Variants in KIDINS220 observed in about 807,000 individuals in gnomAD.
KIDINS220 encodes the protein kinase D interacting substrate 220.
A neutral mutation model predicts 157.6 loss-of-function variants in KIDINS220; 63 were observed. That is an observed-to-expected ratio of 0.40 (90% CI 0.33 to 0.49). The LOEUF (loss-of-function observed/expected upper bound fraction) is 0.49, where lower values mean the gene tolerates loss of function less well. KIDINS220 is among the 20% of genes least tolerant of loss of function. The probability of loss-of-function intolerance (pLI) is 0.66; values close to 1 mark genes in which losing one functional copy is unlikely to be tolerated. For synonymous variants in KIDINS220, 732 were observed against 783.6 expected, an observed-to-expected ratio of 0.93 and a Z score of 1.10; for missense variants, 1,772 against 2,171.2, an observed-to-expected ratio of 0.82 and a Z score of 3.65.
chr2:8,797,509 T>C (rs1674137534), intron 10 of KIDINS220, among the ~76,000 whole-genome samples: 2 of 152,200 alleles, frequency 1.3e-5, no homozygotes, highest in Admixed American at 1.3e-4. Context: ...AACCAGAAGG[T>C]ATCTCAGAAA....
intron 1 of KIDINS220, among the ~76,000 whole-genome samples, chr2:8,830,364 C>A (rs929220980): frequency 2.6e-5 from 4 of 152,180 alleles, no homozygotes; most frequent in African/African-American, 9.7e-5. Flanking sequence ...TCTAGACCAA[C>A]TACTTCTACA....
rs772289519 is a variant in KIDINS220, at chr2:8,776,811, C to T, written c.2785G>A (p.Asp929Asn). 6.2e-7 allele frequency: 1 copy of T among 1,614,036 alleles called. No homozygotes were observed. The highest frequency in any genetic ancestry group is 8.5e-7 in the Non-Finnish European group (1 of 1,179,958). The change falls in exon 21 of 30, where the codon GAC (aspartate) becomes AAC (asparagine). Residue 929 changes from aspartate to asparagine, a missense_variant. Around this residue, in one of 3 missense-constraint regions of KIDINS220, gnomAD observed 725 missense variants for 1,017.1 expected, o/e 0.71. Transcript: ENST00000256707. The part of the protein sequence containing the change: ...FDLTKLLVTE[D>N]WFSDISPQTM... ...TGGGGACTGATGTCACTGAACCAGT[C>T]CTCGGTAACCAGCAGTTTTGTAAGA...
At chr2:8,799,522 C>T (rs1674407325) in intron 9 of KIDINS220, among the ~76,000 whole-genome samples, 1 of 152,212 alleles carries the variant, frequency 6.6e-6, no homozygotes, top group Non-Finnish European at 1.5e-5. Flanking sequence ...GGCCTTCTTT[C>T]CCTACCTCAA....
At chr2:8,732,653 G>A (rs1398609404) in intron 29 of KIDINS220, among the ~76,000 whole-genome samples, 1 of 152,110 alleles carries the variant, frequency 6.6e-6, no homozygotes, top group African/African-American at 2.4e-5. Flanking sequence ...GTTTAAGAAG[G>A]GTCAAGAGCA....
chr2:8,825,615 A>G (rs904012471), intron 2 of KIDINS220: 2 of 152,176 alleles, frequency 1.3e-5, no homozygotes, highest in Non-Finnish European at 2.9e-5. Flanking sequence ...AGTGTAAAAT[A>G]AAAAACCACT....
At chr2:8,732,778 G>A (rs548115926) in intron 29 of KIDINS220, among the ~76,000 whole-genome samples, 109 of 152,168 alleles carry the variant, frequency 7.2e-4, no homozygotes, top group Non-Finnish European at 1.3e-3. Context: ...GCCCTGCCCT[G>A]CCCACTCAGT....
intron 22 of KIDINS220, among the ~76,000 whole-genome samples, chr2:8,758,507 T>C (rs566748744): frequency 7.2e-5 from 11 of 152,260 alleles, no homozygotes; most frequent in Middle Eastern, 3.4e-3. Flanking sequence ...TCAAGGAAAA[T>C]ACTTCTGGTT....
intron 1 of KIDINS220, among the ~76,000 whole-genome samples, chr2:8,833,464 GT>G (rs1679942599): frequency 7.7e-6 from 1 of 129,446 alleles, no homozygotes; most frequent in Non-Finnish European, 1.6e-5. Context: ...ACATATTTAT[GT>G]TTTTTAAATT....
chr2:8,789,283 A>ATTTTT (rs70946384), intron 14 of KIDINS220, among the ~76,000 whole-genome samples: 1 of 109,106 alleles, frequency 9.2e-6, no homozygotes, highest in Non-Finnish European at 1.8e-5. Flanking sequence ...CAGAAAAAGA[A>ATTTTT]TTTTTTTTTT....
rs1377609629 is a variant in KIDINS220, at chr2:8,730,371, C to T, written c.*349G>A. On this transcript the variant is annotated 3_prime_UTR_variant, in exon 30 of 30. Transcript: ENST00000256707. ...AAATGTTTGCAAAAAGGGTCTCTAG[C>T]TTTTTTTCTTTTTGGCACATTAAGC... 1.5e-5 allele frequency: 16 copies of T among 1,037,218 alleles called. No homozygotes were observed. The highest frequency in any genetic ancestry group is 1.9e-5 in the Non-Finnish European group (16 of 864,610). The allele number at this position is 1,037,218 out of a possible 1,614,324, so 64.3% of individuals were successfully genotyped here.
intron 22 of KIDINS220, among the ~76,000 whole-genome samples, chr2:8,756,331 C>A (rs769394206): frequency 2.6e-5 from 4 of 152,158 alleles, no homozygotes; most frequent in Non-Finnish European, 5.9e-5. Flanking sequence ...CTGTATCCTG[C>A]AAACTTTGCT....
At chr2:8,756,376 T>C (rs182324802) in intron 22 of KIDINS220, among the ~76,000 whole-genome samples, 2 of 152,308 alleles carry the variant, frequency 1.3e-5, no homozygotes, top group Non-Finnish European at 2.9e-5. Flanking sequence ...TGTGGGCTCT[T>C]TGGGATTTTT....
At chr2:8,801,537 G>C (rs1364168702) in intron 8 of KIDINS220, among the ~76,000 whole-genome samples, 1 of 152,210 alleles carries the variant, frequency 6.6e-6, no homozygotes, top group Non-Finnish European at 1.5e-5. Flanking sequence ...CAGCCTGGCA[G>C]AGAAGACAAC....
intron 9 of KIDINS220, among the ~76,000 whole-genome samples, chr2:8,798,779 G>A (rs1237044967): frequency 1.3e-5 from 2 of 152,112 alleles, no homozygotes; most frequent in Non-Finnish European, 2.9e-5. Context: ...TAACTGCCTT[G>A]ATCAGATCTT....
At chr2:8,751,049 G>A (rs12469338) in intron 23 of KIDINS220, among the ~76,000 whole-genome samples, 39,296 of 151,996 alleles carry the variant, frequency 0.26, 5,293 homozygotes, top group Middle Eastern at 0.34. Context: ...GTAATATAAA[G>A]ATTTTCTTAC....
rs960286554 is a variant in KIDINS220, at chr2:8,811,966, G to T, written c.504+429C>A. On this transcript the variant is annotated intron_variant, in intron 6 of 29. Transcript: ENST00000256707. ...ACAAGCAGTAAGAGAAGGGGAAAAA[G>T]GAAGGCAAGGCCCATCTTCACCCAT... Among the ~76,000 whole-genome samples, 9 of 152,234 alleles carry T rather than the reference G, an allele frequency of 5.9e-5. No homozygotes were observed. The East Asian group carries it at 1.7e-3, about 29-fold the overall frequency.
At chr2:8,795,753 TAATTAACAAGGCTATATGGAACCTTGA>T (rs1673827567) in intron 11 of KIDINS220, among the ~76,000 whole-genome samples, 1 of 152,344 alleles carries the variant, frequency 6.6e-6, no homozygotes, top group South Asian at 2.1e-4. Context: ...GCATATTATA[TAATTAACAAGGCTATATGGAACCTTGA>T]AGGATACAGT....
intron 7 of KIDINS220, among the ~76,000 whole-genome samples, chr2:8,803,625 A>ATT (rs1289270519): frequency 1.3e-5 from 2 of 152,222 alleles, no homozygotes; most frequent in African/African-American, 4.8e-5. Flanking sequence ...AGTGTAATAT[A>ATT]CTGTTTGGCT....
At chr2:8,727,104 G>A (rs1005795217), downstream of KIDINS220, 23 of 1,035,082 alleles carry the variant, frequency 2.2e-5, no homozygotes, top group Admixed American at 2.0e-4. Flanking sequence ...CATAATTATG[G>A]CCTATGCTTA....
Sources: gnomAD v4.1 joint callset for allele counts (sites outside exome capture counted in the v4.1 genomes callset) on GRCh38, gnomAD v4.1.1 for gene constraint, gnomAD v4.1.1 regional missense constraint, MANE v1.5 for transcripts, NCBI Gene and HGNC (gene_info 2026-07-23, HGNC 2026-07-21) for gene names.